The following KIFAP3 variants were observed in gnomAD, a reference collection of about 807,000 sequenced individuals.
The protein encoded by KIFAP3 is kinesin-associated protein 3.
A neutral mutation model predicts 106.5 loss-of-function variants in KIFAP3; 68 were observed. The ratio of observed to expected loss-of-function variants is 0.64; its 90% CI spans 0.53 to 0.78. KIFAP3 has a LOEUF of 0.78. KIFAP3 is among the 30% of genes least tolerant of loss of function. The pLI, the probability that KIFAP3 is intolerant of heterozygous loss-of-function variation, is 0.00. For missense variants in KIFAP3, 780 were observed against 941.8 expected, an observed-to-expected ratio of 0.83 and a Z score of 2.25; for synonymous variants, 320 against 311.5, an observed-to-expected ratio of 1.03 and a Z score of -0.29.
At chr1:170,053,997 T>A (rs1267550398) in intron 2 of KIFAP3, among the ~76,000 whole-genome samples, 1 of 152,164 alleles carries the variant, frequency 6.6e-6, no homozygotes, top group East Asian at 1.9e-4. Flanking sequence ...ACAAATGGGA[T>A]CTAATTAAAC....
chr1:169,923,800 T>C (rs888239057), intron 19 of KIFAP3, among the ~76,000 whole-genome samples: 4 of 152,192 alleles, frequency 2.6e-5, no homozygotes, highest in African/African-American at 7.2e-5. Context: ...TCACCAGTCA[T>C]TGGCACAGAA....
chr1:169,950,869 A>C (rs1237325193), intron 19 of KIFAP3, among the ~76,000 whole-genome samples: 1 of 151,988 alleles, frequency 6.6e-6, no homozygotes, highest in Non-Finnish European at 1.5e-5. Context: ...TTATGCAGCA[A>C]AATTATCATA....
At chr1:170,013,108 T>C (rs1020976251) in intron 10 of KIFAP3, among the ~76,000 whole-genome samples, 3 of 152,116 alleles carry the variant, frequency 2.0e-5, no homozygotes, top group African/African-American at 7.2e-5. Context: ...CAGCTGTCTA[T>C]GAACCGGGAA....
intron 19 of KIFAP3, among the ~76,000 whole-genome samples, chr1:169,931,635 C>T (rs1458495106): frequency 6.6e-6 from 1 of 152,186 alleles, no homozygotes; most frequent in Admixed American, 6.5e-5. Context: ...GCTTAAATAA[C>T]CCCTAGGTCA....
intron 8 of KIFAP3, among the ~76,000 whole-genome samples, chr1:170,028,755 C>A (rs1260286684): frequency 2.6e-5 from 4 of 152,088 alleles, no homozygotes; most frequent in Admixed American, 6.6e-5. Flanking sequence ...TACTTGACAG[C>A]AGAGTTAACT....
At chr1:170,003,870 C>T (rs965813807) in intron 10 of KIFAP3, among the ~76,000 whole-genome samples, 1 of 152,162 alleles carries the variant, frequency 6.6e-6, no homozygotes, top group African/African-American at 2.4e-5. Flanking sequence ...GGCAATCAGG[C>T]AGGAGAAGGA....
chr1:170,059,180 T>A (rs376370142), intron 1 of KIFAP3, among the ~76,000 whole-genome samples: 1 of 151,528 alleles, frequency 6.6e-6, no homozygotes, highest in South Asian at 2.1e-4. Flanking sequence ...AGAGCAAAAC[T>A]GAAGGAGATA....
At chr1:170,072,258 T>C (rs575691222) in intron 1 of KIFAP3, among the ~76,000 whole-genome samples, 9 of 152,316 alleles carry the variant, frequency 5.9e-5, no homozygotes, top group African/African-American at 2.2e-4. Flanking sequence ...TACTTAATAA[T>C]CTATGTTTCA....
chr1:170,010,028 A>G (rs1191953074), intron 10 of KIFAP3, among the ~76,000 whole-genome samples: 1 of 152,152 alleles, frequency 6.6e-6, no homozygotes, highest in Non-Finnish European at 1.5e-5. Flanking sequence ...CCCAGATGGT[A>G]GCATTAAGTT....
upstream of KIFAP3, among the ~76,000 whole-genome samples, chr1:170,077,885 GTT>G (rs80179703): frequency 1.4e-5 from 2 of 144,650 alleles, no homozygotes; most frequent in East Asian, 2.0e-4. Flanking sequence ...TTTCGGTCCT[GTT>G]TTTTTTTTTA....
At chr1:170,075,164 TC>T (rs2102187585), upstream of KIFAP3, among the ~76,000 whole-genome samples, 1 of 152,294 alleles carries the variant, frequency 6.6e-6, no homozygotes, top group East Asian at 1.9e-4. Context: ...AAAAAACAGT[TC>T]CTGAAATTCC....
chr1:169,926,007 A>G (rs1326298350), intron 19 of KIFAP3, among the ~76,000 whole-genome samples: 4 of 152,212 alleles, frequency 2.6e-5, no homozygotes, highest in Non-Finnish European at 5.9e-5. Flanking sequence ...AATGCAGGCC[A>G]AATTATTTTT....
At chr1:169,928,226 A>G (rs1663253770) in intron 19 of KIFAP3, among the ~76,000 whole-genome samples, 1 of 151,798 alleles carries the variant, frequency 6.6e-6, no homozygotes, top group African/African-American at 2.4e-5. Flanking sequence ...CAGCCTCCAA[A>G]TTAGCTGGGA....
intron 3 of KIFAP3, 110 bp downstream of exon 3, chr1:170,046,602 C>T (rs938745290): frequency 1.2e-6 from 1 of 859,292 alleles, no homozygotes. Flanking sequence ...AAAAAACCTA[C>T]CCAACATCAA....
At position 170,044,382 on chromosome 1, in the gene KIFAP3, T is replaced by C. The variant is rs532294364; in HGVS notation, c.319+2330A>G. 2.1e-4 allele frequency among the ~76,000 whole-genome samples: 32 copies of C among 152,256 alleles called. 1 individual carries two copies. In the South Asian group the frequency reaches 6.6e-3, roughly 32 times the overall value. On this transcript the variant is annotated intron_variant, in intron 3 of 19. Coordinates refer to ENST00000361580, the MANE Select transcript of KIFAP3 (RefSeq NM_014970.4). ...TACAGAATAGAAGCTGGAGTGCTGGTAGGAACAAATTCTCCATGTGATAGC... is the reference window on the plus strand; with the variant it reads ...TACAGAATAGAAGCTGGAGTGCTGGCAGGAACAAATTCTCCATGTGATAGC...
chr1:169,973,141 T>A (rs1666025018), intron 16 of KIFAP3, among the ~76,000 whole-genome samples: 1 of 52,416 alleles, frequency 1.9e-5, no homozygotes, highest in Non-Finnish European at 3.5e-5. Flanking sequence ...CAAATCAGGA[T>A]TAGAAAACCA....
At chr1:169,944,101 A>G (rs1029234484) in intron 19 of KIFAP3, among the ~76,000 whole-genome samples, 2 of 152,246 alleles carry the variant, frequency 1.3e-5, no homozygotes, top group African/African-American at 2.4e-5. Flanking sequence ...CGTTCTGCCC[A>G]CTAGGCCCGA....
At chr1:170,008,719 T>C (rs1163084302) in intron 10 of KIFAP3, among the ~76,000 whole-genome samples, 1 of 152,168 alleles carries the variant, frequency 6.6e-6, no homozygotes, top group Non-Finnish European at 1.5e-5. Context: ...TGGCGATTCC[T>C]CAAAGATCCA....
intron 19 of KIFAP3, among the ~76,000 whole-genome samples, chr1:169,941,766 T>C (rs1199814590): frequency 6.6e-6 from 1 of 152,170 alleles, no homozygotes; most frequent in East Asian, 1.9e-4. Context: ...AACAAAGCAG[T>C]AGAAAAGATA....
Sources: allele counts gnomAD v4.1 joint callset (sites outside exome capture counted in the v4.1 genomes callset), GRCh38; gene constraint gnomAD v4.1.1; transcripts MANE v1.5; gene names NCBI Gene and HGNC (gene_info 2026-07-23, HGNC 2026-07-21).